The following PSD3 variants were observed in gnomAD, a reference collection of about 807,000 sequenced individuals.
PSD3 encodes pleckstrin and Sec7 domain containing 3, also known as PH and SEC7 domain-containing protein 3.
PSD3 carries 49 observed loss-of-function variants against 105.5 expected under a neutral mutation model. The ratio of observed to expected loss-of-function variants is 0.46; its 90% CI spans 0.37 to 0.59. The LOEUF is 0.59. PSD3 is among the 20% of genes least tolerant of loss of function. The probability of loss-of-function intolerance (pLI) is 0.00; values close to 1 mark genes in which losing one functional copy is unlikely to be tolerated. For missense variants in PSD3, 1,561 were observed against 1,263.8 expected, an observed-to-expected ratio of 1.24 and a Z score of -3.57; for synonymous variants, 557 against 457.8, an observed-to-expected ratio of 1.22 and a Z score of -2.77.
intron 11 of PSD3, among the ~76,000 whole-genome samples, chr8:18,630,556 G>A (rs1806821453): frequency 6.6e-6 from 1 of 151,910 alleles, no homozygotes; most frequent in African/African-American, 2.4e-5. Flanking sequence ...ATGCTCACAT[G>A]GGTTAACTGT....
intron 11 of PSD3, among the ~76,000 whole-genome samples, chr8:18,609,935 C>T (rs1453734361): frequency 6.6e-6 from 1 of 152,218 alleles, no homozygotes; most frequent in Non-Finnish European, 1.5e-5. Flanking sequence ...TACCACTGGG[C>T]TATGAGTCAC....
intron 1 of PSD3, among the ~76,000 whole-genome samples, chr8:19,068,135 T>C (rs1195656330): frequency 6.6e-6 from 1 of 151,888 alleles, no homozygotes; most frequent in African/African-American, 2.4e-5. Flanking sequence ...TACATAGAGG[T>C]GATATCTGCC....
chr8:18,950,541 T>C (rs7836305), intron 1 of PSD3, among the ~76,000 whole-genome samples: 52,162 of 151,990 alleles, frequency 0.34, 9,160 homozygotes, highest in Middle Eastern at 0.53. Flanking sequence ...CGATTTCCCC[T>C]ACCCCAGCCT....
At chr8:18,730,213 C>T (rs980205232) in intron 9 of PSD3, 41 of 152,074 alleles carry the variant, frequency 2.7e-4, no homozygotes, top group African/African-American at 9.9e-4. Flanking sequence ...GCATTTATTC[C>T]ACAATCACAC....
rs147426940 is a variant in PSD3, at chr8:18,643,940, G to A, written c.2217-11134C>T. The stretch of plus-strand genomic sequence containing the variant: ...CAGTGGGCTAAGCTGTAGCTAGGCC[G>A]GCTTACACCACGGCTGGGGTAGCCA... On this transcript the variant is annotated intron_variant, in intron 10 of 15. Transcript: ENST00000327040. Among the ~76,000 whole-genome samples, 156 of 152,314 alleles carry A rather than the reference G, an allele frequency of 1.0e-3. 1 individual carries two copies. The Middle Eastern group carries it at 0.014, about 13-fold the overall frequency.
intron 14 of PSD3, among the ~76,000 whole-genome samples, chr8:18,557,898 T>C (rs1167183218): frequency 6.6e-6 from 1 of 152,178 alleles, no homozygotes; most frequent in Non-Finnish European, 1.5e-5. Flanking sequence ...AAAATTAACC[T>C]TCAGTGTAGC....
chr8:18,649,403 G>A (rs1010575127), intron 10 of PSD3, among the ~76,000 whole-genome samples: 3 of 152,218 alleles, frequency 2.0e-5, no homozygotes, highest in Non-Finnish European at 4.4e-5. Flanking sequence ...CACAGTGCCT[G>A]TAGCCCCTTT....
intron 2 of PSD3, among the ~76,000 whole-genome samples, chr8:18,901,361 T>G (rs180895269): frequency 6.6e-6 from 1 of 152,328 alleles, no homozygotes; most frequent in Admixed American, 6.5e-5. Flanking sequence ...AGCTGGGTCA[T>G]GTTTTTTCAT....
At chr8:18,716,646 T>C (rs962724351) in intron 9 of PSD3, among the ~76,000 whole-genome samples, 2 of 152,190 alleles carry the variant, frequency 1.3e-5, no homozygotes, top group African/African-American at 4.8e-5. Context: ...TTCCTAAGTG[T>C]AGAAGGATGT....
upstream of PSD3, chr8:19,014,174 G>T (rs1207957937): frequency 2.0e-5 from 3 of 152,420 alleles, no homozygotes; most frequent in Admixed American, 1.3e-4. The surrounding 1 kb of genome is among the most constrained non-coding windows in gnomAD (Gnocchi z 4.9). Flanking sequence ...CGCGAGTTGG[G>T]CGCCGTCTCG....
chr8:18,728,458 G>A (rs1803490564), intron 9 of PSD3, among the ~76,000 whole-genome samples: 1 of 152,172 alleles, frequency 6.6e-6, no homozygotes. Flanking sequence ...AAGACTTGAA[G>A]GGTGAGTATG....
chr8:18,793,814 AC>A (rs1486699225), intron 8 of PSD3, among the ~76,000 whole-genome samples: 3 of 152,214 alleles, frequency 2.0e-5, no homozygotes, highest in African/African-American at 4.8e-5. Context: ...AATGTACTTA[AC>A]AGCTGCCAGT....
chr8:18,635,862 C>T (rs894118542), intron 10 of PSD3, among the ~76,000 whole-genome samples: 16 of 134,038 alleles, frequency 1.2e-4, no homozygotes, highest in Non-Finnish European at 2.0e-4. Flanking sequence ...AGGAGGGGAA[C>T]ATCATACACT....
chr8:18,784,574 C>A (rs2129445615), intron 8 of PSD3, among the ~76,000 whole-genome samples: 1 of 152,254 alleles, frequency 6.6e-6, no homozygotes, highest in Middle Eastern at 3.4e-3. Flanking sequence ...ATACTTCTGA[C>A]CAATCAGCTA....
intron 12 of PSD3, among the ~76,000 whole-genome samples, chr8:18,591,177 T>C (rs1803576978): frequency 1.3e-5 from 2 of 152,102 alleles, no homozygotes. Flanking sequence ...GAAGAGTGAT[T>C]TCATCTTACC....
chr8:18,741,628 G>T (rs1322763934), intron 9 of PSD3, among the ~76,000 whole-genome samples: 1 of 152,094 alleles, frequency 6.6e-6, no homozygotes, highest in African/African-American at 2.4e-5. Flanking sequence ...AGCTACATAT[G>T]TCGGCACCTT....
intron 1 of PSD3, among the ~76,000 whole-genome samples, chr8:19,040,888 AT>A (rs1216768863): frequency 2.6e-5 from 4 of 151,818 alleles, no homozygotes; most frequent in African/African-American, 7.3e-5. Flanking sequence ...ATCCCATTTT[AT>A]TTTTATTTTA....
intron 12 of PSD3, among the ~76,000 whole-genome samples, chr8:18,579,069 T>C (rs1343711538): frequency 6.8e-6 from 1 of 147,420 alleles, no homozygotes; most frequent in Non-Finnish European, 1.5e-5. Context: ...GCATTCTGAA[T>C]TCCTACTAGA....
At chr8:18,977,437 A>G (rs1191711445) in intron 1 of PSD3, among the ~76,000 whole-genome samples, 1 of 152,140 alleles carries the variant, frequency 6.6e-6, no homozygotes, top group South Asian at 2.1e-4. Flanking sequence ...CTAACAGATA[A>G]AACAGTCCCC....
Sources: gnomAD v4.1 joint callset for allele counts (sites outside exome capture counted in the v4.1 genomes callset) on GRCh38, gnomAD v4.1.1 for gene constraint, Gnocchi (gnomAD v3.1) non-coding constraint, MANE v1.5 for transcripts, NCBI Gene and HGNC (gene_info 2026-07-23, HGNC 2026-07-21) for gene names.